EBF1: variants seen among roughly 807,000 people sequenced by gnomAD.
EBF1 encodes EBF transcription factor 1.
In EBF1, 10 loss-of-function variants were observed where a neutral mutation model predicts 68.4. That is an observed-to-expected ratio of 0.15 (90% confidence interval 0.09 to 0.25). The LOEUF (loss-of-function observed/expected upper bound fraction) is 0.25, where lower values mean the gene tolerates loss of function less well. Ranked by LOEUF, EBF1 falls within the 10% of genes least tolerant of loss-of-function variation. EBF1 has a pLI of 1.00. For synonymous variants in EBF1, 298 were observed against 299.8 expected, an observed-to-expected ratio of 0.99 and a Z score of 0.06; for missense variants, 509 against 794.4, an observed-to-expected ratio of 0.64 and a Z score of 4.32.
chr5:159,092,404 G>C (rs1330529469), intron 4 of EBF1, among the ~76,000 whole-genome samples: 1 of 152,138 alleles, frequency 6.6e-6, no homozygotes, highest in Non-Finnish European at 1.5e-5. Context: ...AGGGATAAGG[G>C]ATCTCAGATT....
chr5:158,853,754 A>C (rs1022832236), intron 6 of EBF1, among the ~76,000 whole-genome samples: 3 of 152,178 alleles, frequency 2.0e-5, no homozygotes, highest in South Asian at 2.1e-4. Flanking sequence ...TATCACATGC[A>C]CACGCGCACA....
At chr5:158,899,554 T>C (rs1047202813) in intron 6 of EBF1, among the ~76,000 whole-genome samples, 2 of 152,208 alleles carry the variant, frequency 1.3e-5, no homozygotes, top group African/African-American at 4.8e-5. Flanking sequence ...TGAATCCCAA[T>C]GATCTGCTTT....
Position 158,712,142 on chromosome 5 carries a change from A to G in EBF1, c.1549+12T>C, listed in dbSNP as rs370909298. On this transcript the variant is annotated intron_variant, in intron 14 of 15. Coordinates refer to ENST00000313708, the MANE Select transcript of EBF1 (RefSeq NM_024007.5). The stretch of plus-strand genomic sequence containing the variant: ...AAACGTGCAGGAACGCAGGATATGC[A>G]TCTCTACTTACTGGCATAGGGGGAG... 6.2e-7 allele frequency: 1 copy of G among 1,613,370 alleles called. No individual in the cohort carries two copies. Among genetic ancestry groups the G allele is most frequent in the Non-Finnish European group, 8.5e-7 (1 of 1,179,710 alleles).
At chr5:159,038,692 C>T (rs1216746493) in intron 6 of EBF1, among the ~76,000 whole-genome samples, 1 of 152,180 alleles carries the variant, frequency 6.6e-6, no homozygotes, top group Non-Finnish European at 1.5e-5. Context: ...AATATTTGCG[C>T]TGTTTTGGGC....
At chr5:158,709,235 C>T (rs548864113) in intron 14 of EBF1, among the ~76,000 whole-genome samples, 4 of 152,144 alleles carry the variant, frequency 2.6e-5, no homozygotes, top group Non-Finnish European at 4.4e-5. Flanking sequence ...CTTAATAAAA[C>T]ATCAGATATT....
intron 8 of EBF1, among the ~76,000 whole-genome samples, chr5:158,820,228 G>C (rs1490788030): frequency 6.6e-6 from 1 of 151,858 alleles, no homozygotes; most frequent in Non-Finnish European, 1.5e-5. Flanking sequence ...AGGAGAACAT[G>C]CTTTGCCGTC....
intron 6 of EBF1, among the ~76,000 whole-genome samples, chr5:159,028,531 T>C (rs1768143683): frequency 6.6e-6 from 1 of 152,106 alleles, no homozygotes; most frequent in African/African-American, 2.4e-5. Context: ...TCACACAGAA[T>C]TGCCATTCTA....
intron 6 of EBF1, among the ~76,000 whole-genome samples, chr5:159,064,314 G>A (rs1292714937): frequency 6.6e-6 from 1 of 152,100 alleles, no homozygotes; most frequent in African/African-American, 2.4e-5. Flanking sequence ...TGAAATAAAA[G>A]AGACATTATG....
At chr5:158,840,219 T>C in intron 6 of EBF1, 109 bp from the exon 7 acceptor site, 1 of 807,754 alleles carries the variant, frequency 1.2e-6, no homozygotes. Flanking sequence ...ACATGTTTTC[T>C]GAAATATTCA....
intron 6 of EBF1, chr5:158,983,749 G>A (rs1046519942): frequency 2.6e-5 from 4 of 152,130 alleles, no homozygotes; most frequent in Non-Finnish European, 5.9e-5. Context: ...AGTGAGATAC[G>A]GAGAGAGGGA....
intron 5 of EBF1, 147 bp downstream of exon 5, chr5:159,084,516 ACTC>A (rs1780296548): frequency 1.9e-6 from 1 of 523,692 alleles, no homozygotes; most frequent in Non-Finnish European, 3.1e-6. Flanking sequence ...ACTACCAAAT[ACTC>A]ACATCTAACA....
intron 6 of EBF1, among the ~76,000 whole-genome samples, chr5:158,842,261 C>T (rs1380324588): frequency 1.3e-5 from 2 of 152,244 alleles, no homozygotes; most frequent in Non-Finnish European, 2.9e-5. Context: ...CTGCTGATCA[C>T]ACATGGCTTT....
chr5:158,981,218 A>G (rs377736753), intron 6 of EBF1, among the ~76,000 whole-genome samples: 1 of 152,230 alleles, frequency 6.6e-6, no homozygotes, highest in African/African-American at 2.4e-5. Flanking sequence ...TTACAGAAAC[A>G]AGGGAAAATG....
intron 6 of EBF1, among the ~76,000 whole-genome samples, chr5:159,035,046 C>T (rs1769749787): frequency 1.3e-5 from 2 of 152,098 alleles, no homozygotes; most frequent in Admixed American, 6.6e-5. Flanking sequence ...AACCAGAAGC[C>T]ACTGGTTTTC....
At chr5:158,889,520 T>C (rs1800745077) in intron 6 of EBF1, among the ~76,000 whole-genome samples, 2 of 152,168 alleles carry the variant, frequency 1.3e-5, no homozygotes, top group African/African-American at 4.8e-5. Context: ...AGCAGAAAGC[T>C]TGAGAATAAG....
intron 14 of EBF1, among the ~76,000 whole-genome samples, chr5:158,711,745 C>T (rs1356901563): frequency 6.6e-6 from 1 of 151,958 alleles, no homozygotes. Flanking sequence ...ACAATCATGG[C>T]TCACTGTAAC....
In EBF1 at chr5:158,727,110, G is replaced by T. The variant is rs139509120; in HGVS notation, c.1125+3959C>A. Among the ~76,000 whole-genome samples, 639 of 152,314 alleles carry T rather than the reference G, an allele frequency of 4.2e-3. 3 individuals carry two copies. Among genetic ancestry groups the T allele is most frequent in the African/African-American group, 0.014 (600 of 41,562 alleles). On this transcript the variant is annotated intron_variant, in intron 11 of 15. Coordinates refer to ENST00000313708, the MANE Select transcript of EBF1 (RefSeq NM_024007.5). ...AAGTAGGGGATCATGTTTCCAAAAC[G>T]CACATCCTTCTGACTTGAGAGCCCA...
At chr5:158,881,010 G>C (rs918117142) in intron 6 of EBF1, among the ~76,000 whole-genome samples, 2 of 151,980 alleles carry the variant, frequency 1.3e-5, no homozygotes, top group Non-Finnish European at 2.9e-5. Flanking sequence ...CAAAGAAGAA[G>C]AAGAGGGGAA....
intron 6 of EBF1, among the ~76,000 whole-genome samples, chr5:158,853,968 G>A (rs568336821): frequency 1.4e-4 from 22 of 152,210 alleles, no homozygotes; most frequent in East Asian, 3.9e-4. Flanking sequence ...AAGAGTCAAC[G>A]TCTTGTCTTC....
Sources: allele counts gnomAD v4.1 joint callset (sites outside exome capture counted in the v4.1 genomes callset), GRCh38; gene constraint gnomAD v4.1.1; transcripts MANE v1.5; gene names NCBI Gene and HGNC (gene_info 2026-07-23, HGNC 2026-07-21).